The following TMEM132D variants were observed in gnomAD, a reference collection of about 807,000 sequenced individuals.
The protein encoded by TMEM132D is transmembrane protein 132D.
In TMEM132D, 21 loss-of-function variants were observed where a neutral mutation model predicts 62.3. That is an observed-to-expected ratio of 0.34 (90% CI 0.24 to 0.49). TMEM132D has a LOEUF of 0.49. Among genes scored for constraint, TMEM132D ranks in the 20% least tolerant of loss-of-function variants. TMEM132D has a pLI of 0.99. For synonymous variants in TMEM132D, 621 were observed against 575.6 expected, an observed-to-expected ratio of 1.08 and a Z score of -1.13; for missense variants, 1,346 against 1,402.8, an observed-to-expected ratio of 0.96 and a Z score of 0.65.
At chr12:129,341,909 C>A (rs796518940) in intron 3 of TMEM132D, among the ~76,000 whole-genome samples, 2 of 152,206 alleles carry the variant, frequency 1.3e-5, no homozygotes, top group African/African-American at 4.8e-5. Flanking sequence ...TAAACCACTG[C>A]TCAATGAAAT....
intron 4 of TMEM132D, among the ~76,000 whole-genome samples, chr12:129,227,091 C>G (rs1315257183): frequency 6.6e-6 from 1 of 151,982 alleles, no homozygotes; most frequent in Non-Finnish European, 1.5e-5. Flanking sequence ...GAATTTCTAA[C>G]TCTGGGGAGA....
chr12:129,872,222 C>T (rs890155167), intron 1 of TMEM132D, among the ~76,000 whole-genome samples: 1 of 152,222 alleles, frequency 6.6e-6, no homozygotes, highest in African/African-American at 2.4e-5. Flanking sequence ...GACAACAAAG[C>T]CTCTCCTAAC....
At chr12:129,750,672 G>C (rs1869969262) in intron 1 of TMEM132D, among the ~76,000 whole-genome samples, 1 of 152,182 alleles carries the variant, frequency 6.6e-6, no homozygotes, top group Non-Finnish European at 1.5e-5. Flanking sequence ...CTCCCTACCA[G>C]AGGGTGGGAG....
intron 2 of TMEM132D, among the ~76,000 whole-genome samples, chr12:129,622,983 T>G (rs1879114238): frequency 6.6e-6 from 1 of 152,050 alleles, no homozygotes; most frequent in Non-Finnish European, 1.5e-5. Context: ...TACGAGGTAA[T>G]GTAAGTTCAT....
chr12:129,669,598 G>A (rs1043588522), intron 2 of TMEM132D, among the ~76,000 whole-genome samples: 6 of 152,078 alleles, frequency 3.9e-5, no homozygotes, highest in South Asian at 2.1e-4. Flanking sequence ...GCAGCTACTC[G>A]GGAGGATGAG....
intron 2 of TMEM132D, among the ~76,000 whole-genome samples, chr12:129,680,890 T>C (rs1880759728): frequency 6.6e-6 from 1 of 152,312 alleles, no homozygotes; most frequent in South Asian, 2.1e-4. Context: ...AAGGGCTACC[T>C]GGTGGGAGCT....
intron 1 of TMEM132D, among the ~76,000 whole-genome samples, chr12:129,801,042 C>T (rs1295275352): frequency 1.3e-5 from 2 of 152,208 alleles, no homozygotes; most frequent in African/African-American, 2.4e-5. Flanking sequence ...AGATTATATC[C>T]CGCACCTGGC....
intron 4 of TMEM132D, among the ~76,000 whole-genome samples, chr12:129,253,545 T>C (rs1181795126): frequency 6.6e-6 from 1 of 152,230 alleles, no homozygotes; most frequent in Non-Finnish European, 1.5e-5. Flanking sequence ...TATTTCTTGA[T>C]CAACTGTGTC....
At chr12:129,265,540 C>T (rs1880664270) in intron 4 of TMEM132D, among the ~76,000 whole-genome samples, 1 of 152,112 alleles carries the variant, frequency 6.6e-6, no homozygotes, top group Non-Finnish European at 1.5e-5. Flanking sequence ...GGGTAAGCCC[C>T]GGTGTCCCTC....
intron 2 of TMEM132D, among the ~76,000 whole-genome samples, chr12:129,658,672 T>G (rs1880160187): frequency 6.6e-6 from 1 of 152,180 alleles, no homozygotes; most frequent in African/African-American, 2.4e-5. Context: ...CCTTGAAGCT[T>G]CAGCCTAATT....
rs1881363175 is a variant in TMEM132D at position 129,700,573 on chromosome 12, T to C, written c.205A>G (p.Ile69Val). ...SFFLKEANQD[I>V]MRNSSLQSRV... ...GACTGCAGGCTGGAGTTCCTCATGATATCCTGGTTGGCCTCCTTCAGGAAG... is the reference window on the plus strand; with the variant it reads ...GACTGCAGGCTGGAGTTCCTCATGACATCCTGGTTGGCCTCCTTCAGGAAG... Residue 69 changes from isoleucine (I) to valine (V), a missense_variant, in exon 2 of 9, where the codon ATC becomes GTC. Coordinates refer to ENST00000422113, the MANE Select transcript of TMEM132D (RefSeq NM_133448.3). The C allele has an allele frequency of 6.2e-7, 1 of 1,614,054 alleles. No homozygotes were observed.
At chr12:129,845,453 A>G (rs1198518607) in intron 1 of TMEM132D, among the ~76,000 whole-genome samples, 1 of 152,178 alleles carries the variant, frequency 6.6e-6, no homozygotes, top group Non-Finnish European at 1.5e-5. Context: ...GAAATGAAAC[A>G]CGTCTGAGAC....
intron 1 of TMEM132D, among the ~76,000 whole-genome samples, chr12:129,846,859 ATTATAG>A (rs1873378698): frequency 6.6e-6 from 1 of 152,050 alleles, no homozygotes. Flanking sequence ...TTATTGATTT[ATTATAG>A]TTATTTTTAA....
At chr12:129,628,394 G>C (rs901366485) in intron 2 of TMEM132D, among the ~76,000 whole-genome samples, 1 of 152,232 alleles carries the variant, frequency 6.6e-6, no homozygotes, top group African/African-American at 2.4e-5. Context: ...ATGAAACCCT[G>C]TTCAGCCAGG....
intron 2 of TMEM132D, among the ~76,000 whole-genome samples, chr12:129,670,883 G>A (rs1006203235): frequency 2.0e-5 from 3 of 152,098 alleles, no homozygotes; most frequent in African/African-American, 7.2e-5. Context: ...GCTATGAGCC[G>A]GAGGCAACCA....
chr12:129,714,593 G>T (rs747994541), intron 1 of TMEM132D, among the ~76,000 whole-genome samples: 2 of 152,180 alleles, frequency 1.3e-5, no homozygotes, highest in Non-Finnish European at 2.9e-5. Flanking sequence ...TCATATACTT[G>T]CCATCTGCTA....
intron 4 of TMEM132D, among the ~76,000 whole-genome samples, chr12:129,274,341 G>T (rs778407668): frequency 2.0e-5 from 3 of 152,176 alleles, no homozygotes; most frequent in Non-Finnish European, 2.9e-5. Flanking sequence ...AGCAACTTTA[G>T]TTAGCACATG....
intron 2 of TMEM132D, 101 bp from the exon 3 acceptor site, chr12:129,531,306 GCAGGTGTAAGCTCA>G: frequency 7.3e-7 from 1 of 1,377,206 alleles, no homozygotes. Context: ...CCGTTGCCTG[GCAGGTGTAAGCTCA>G]TGTATACTAG....
chr12:129,225,675 T>C (rs1195536522), intron 4 of TMEM132D, among the ~76,000 whole-genome samples: 1 of 152,180 alleles, frequency 6.6e-6, no homozygotes, highest in Non-Finnish European at 1.5e-5. Flanking sequence ...AATTTGTAAA[T>C]AAGGCTGCTT....
Sources: allele counts gnomAD v4.1 joint callset (sites outside exome capture counted in the v4.1 genomes callset), GRCh38; gene constraint gnomAD v4.1.1; transcripts MANE v1.5; gene names NCBI Gene and HGNC (gene_info 2026-07-23, HGNC 2026-07-21).